PMS1: variants seen among roughly 807,000 people sequenced by gnomAD.
PMS1 encodes PMS1 homolog 1, mismatch repair system component, also known as PMS1 protein homolog 1.
PMS1 carries 79 observed loss-of-function variants against 93.1 expected under a neutral mutation model. That is an observed-to-expected ratio of 0.85 (90% CI 0.71 to 1.02). PMS1 has a LOEUF of 1.02. Ranked by LOEUF, PMS1 falls within the 50% of genes least tolerant of loss-of-function variation. The pLI is 0.00. For missense variants in PMS1, 1,064 were observed against 1,085.3 expected, an observed-to-expected ratio of 0.98 and a Z score of 0.28; for synonymous variants, 335 against 363.4, an observed-to-expected ratio of 0.92 and a Z score of 0.89.
chr2:189,795,759 C>T lies in PMS1; in HGVS notation c.133-10C>T. ...TTTACATATTAAAAGTGTTTTTTGA[C>T]ATTTTATAGGAGAACTATGGATTTG... On this transcript the variant is annotated splice_polypyrimidine_tract_variant and intron_variant, in intron 2 of 12. Transcript: ENST00000441310. 6.2e-7 allele frequency: 1 copy of T among 1,607,490 alleles called. No homozygotes were observed.
chr2:189,857,510 T>G, intron 9 of PMS1: 1 of 468,488 alleles, frequency 2.1e-6, no homozygotes, highest in Non-Finnish European at 4.4e-6. Flanking sequence ...CTAAGGTATA[T>G]TAAGAGATAT....
At position 189,837,116 on chromosome 2, in the gene PMS1, GAGTT is replaced by G. The variant is rs1315931894; in HGVS notation, c.583-6845_583-6842del. ...TTATTTTAAAAATGTCAATATCAGA[GAGTT>G]AGCATTCCTTTAAAGAGGTACACTT... On this transcript the variant is annotated intron_variant, in intron 5 of 12. Coordinates refer to ENST00000441310, the MANE Select transcript of PMS1 (RefSeq NM_000534.5). Among the ~76,000 whole-genome samples the G allele has an allele frequency of 5.3e-5, 8 of 151,626 alleles. 1 individual carries two copies. In the East Asian group the frequency reaches 1.5e-3, roughly 29 times the overall value.
chr2:189,786,414 A>AG (rs1303108691), intron 1 of PMS1, among the ~76,000 whole-genome samples: 2 of 152,184 alleles, frequency 1.3e-5, no homozygotes, highest in African/African-American at 4.8e-5. Flanking sequence ...CAAAGAGGAG[A>AG]GGACTAGTTT....
At chr2:189,793,024 G>A (rs540303972) in intron 2 of PMS1, among the ~76,000 whole-genome samples, 2 of 152,162 alleles carry the variant, frequency 1.3e-5, no homozygotes, top group East Asian at 3.9e-4. Context: ...CGGCCAGTCT[G>A]GTCTTGAACT....
intron 4 of PMS1, among the ~76,000 whole-genome samples, chr2:189,817,190 A>G (rs2051384598): frequency 6.6e-6 from 1 of 152,204 alleles, no homozygotes; most frequent in Non-Finnish European, 1.5e-5. Flanking sequence ...CCAAATGTCA[A>G]TGCTGCGAAG....
At chr2:189,825,244 T>C (rs931951478) in intron 5 of PMS1, among the ~76,000 whole-genome samples, 1 of 152,138 alleles carries the variant, frequency 6.6e-6, no homozygotes, top group African/African-American at 2.4e-5. Context: ...CTTGAAAGCA[T>C]AGTGAATAAT....
intron 5 of PMS1, among the ~76,000 whole-genome samples, chr2:189,829,521 G>T (rs541410057): frequency 5.9e-5 from 9 of 151,956 alleles, no homozygotes; most frequent in Non-Finnish European, 1.3e-4. Context: ...CTTCTCTTGG[G>T]CACTCTGTCA....
intron 11 of PMS1, among the ~76,000 whole-genome samples, chr2:189,872,817 G>T (rs560757053): frequency 1.3e-5 from 2 of 151,938 alleles, no homozygotes; most frequent in African/African-American, 4.8e-5. Context: ...TGTATTTTTG[G>T]TAGAGACAGG....
chr2:189,821,895 C>CA (rs1364634797), intron 5 of PMS1, among the ~76,000 whole-genome samples: 1 of 152,172 alleles, frequency 6.6e-6, no homozygotes, highest in African/African-American at 2.4e-5. Flanking sequence ...TTTGAAATGA[C>CA]AGAGTTCTTA....
intron 5 of PMS1, among the ~76,000 whole-genome samples, chr2:189,841,581 A>C (rs1272891319): frequency 6.6e-6 from 1 of 151,896 alleles, no homozygotes; most frequent in Non-Finnish European, 1.5e-5. Flanking sequence ...TGTTTACTTC[A>C]CCTTTCATCT....
At chr2:189,871,786 A>T (rs1475495283) in intron 11 of PMS1, among the ~76,000 whole-genome samples, 1 of 152,092 alleles carries the variant, frequency 6.6e-6, no homozygotes, top group Non-Finnish European at 1.5e-5. Context: ...AATACTTGAG[A>T]CTAGGTAATG....
In PMS1 at chr2:189,861,497, C is replaced by T. The variant is rs188011493; in HGVS notation, c.1857-2246C>T. Among the ~76,000 whole-genome samples the T allele has an allele frequency of 3.6e-3, 546 of 151,760 alleles. 5 individuals carry two copies. The highest frequency in any genetic ancestry group is 0.013 in the African/African-American group (528 of 41,394). On this transcript the variant is annotated intron_variant, in intron 9 of 12. Transcript: ENST00000441310. The stretch of plus-strand genomic sequence containing the variant: ...AGGCGCAGTGGCTCATGCCTGTAAT[C>T]CCAGCACTTTGGGAGGCCAAGGCAG...
intron 3 of PMS1, among the ~76,000 whole-genome samples, chr2:189,804,928 C>T (rs3791769): frequency 0.032 from 4,880 of 151,846 alleles, 98 homozygotes; most frequent in South Asian, 0.063. Context: ...GCATATTTTA[C>T]TATTGTACTT....
chr2:189,844,846 A>G (rs183879736), intron 6 of PMS1, among the ~76,000 whole-genome samples: 10 of 151,372 alleles, frequency 6.6e-5, no homozygotes, highest in Non-Finnish European at 1.2e-4. Flanking sequence ...TTAATTATAT[A>G]TATAATTTTT....
intron 2 of PMS1, among the ~76,000 whole-genome samples, chr2:189,792,738 C>T (rs980202650): frequency 1.2e-4 from 17 of 140,072 alleles, no homozygotes; most frequent in African/African-American, 3.8e-4. Flanking sequence ...AAAATCCCTT[C>T]TATAAATCAC....
At chr2:189,831,885 A>T (rs1040715340) in intron 5 of PMS1, among the ~76,000 whole-genome samples, 3 of 151,916 alleles carry the variant, frequency 2.0e-5, no homozygotes, top group African/African-American at 7.3e-5. Context: ...AGGTTCAAGC[A>T]ATTTCTGGTT....
chr2:189,794,254 A>G lies in PMS1; in HGVS notation c.133-1515A>G, dbSNP rs2049146146. ...CAGCCTCCCAAGTAGCTGGGATTAC[A>G]GGTGTGTGCCACCATGCCCGGCTAA... On this transcript the variant is annotated intron_variant, in intron 2 of 12. Transcript: ENST00000441310. 1.3e-5 allele frequency among the ~76,000 whole-genome samples: 2 copies of G among 152,110 alleles called. 1 individual carries two copies. Among genetic ancestry groups the G allele is most frequent in the South Asian group, 4.1e-4 (2 of 4,828 alleles).
Position 189,854,994 on chromosome 2 carries a change from C to A in PMS1, c.1722C>A (p.Pro574=), listed in dbSNP as rs1468732089. Residue 574 remains proline, a synonymous_variant, in exon 9 of 13, where the codon CCC becomes CCA. Transcript: ENST00000441310. ...TTAGCAATCGAGTAATCAAGAAACC[C>A]ATGTCAGCAAGTGCTCTTTTTGTTC... is the stretch of plus-strand genomic sequence containing the variant. ...DLLSNRVIKK[P]MSASALFVQD... is the part of the protein sequence containing the mutation. 5.0e-6 allele frequency: 8 copies of A among 1,613,274 alleles called. No homozygotes were observed. In the Admixed American group the frequency reaches 1.3e-4, roughly 27 times the overall value.
chr2:189,806,337 G>A, intron 4 of PMS1: 2 of 264,586 alleles, frequency 7.6e-6, no homozygotes, highest in South Asian at 1.0e-4. Context: ...TGTAGTTAGT[G>A]TTTTATATAC....
Sources: allele counts gnomAD v4.1 joint callset (sites outside exome capture counted in the v4.1 genomes callset), GRCh38; gene constraint gnomAD v4.1.1; transcripts MANE v1.5; gene names NCBI Gene and HGNC (gene_info 2026-07-23, HGNC 2026-07-21).